PIWIL1: variants seen among roughly 807,000 people sequenced by gnomAD.
PIWIL1 encodes piwi-like protein 1.
Under a neutral mutation model 114.4 loss-of-function variants are expected in PIWIL1, and 73 were observed. The observed-to-expected ratio is 0.64, with a 90% CI of 0.53 to 0.78. The LOEUF (loss-of-function observed/expected upper bound fraction) is 0.78. PIWIL1 is among the 30% of genes least tolerant of loss of function. The pLI, the probability that PIWIL1 is intolerant of heterozygous loss-of-function variation, is 0.00. For missense variants in PIWIL1, 723 were observed against 1,063.1 expected (o/e 0.68, Z 4.45); for synonymous variants, 375 against 369.0 (o/e 1.02, Z -0.19).
At chr12:130,366,295 G>A (rs961294968) in intron 18 of PIWIL1, 1 of 152,638 alleles carries the variant, frequency 6.6e-6, no homozygotes, top group Non-Finnish European at 1.5e-5. Flanking sequence ...AGTGAGCCTG[G>A]AGGAGGGGGT....
At chr12:130,420,901 G>T in the PIWIL1 span, 1 of 152,294 alleles carries the variant, frequency 6.6e-6, no homozygotes, top group East Asian at 1.9e-4. This position sits in a 1 kb window ranked among gnomAD's most constrained non-coding sequence, Gnocchi z 4.3. Flanking sequence ...CTCTTCCAAA[G>T]GACGTCCTTT....
At chr12:130,395,710 CCT>C in the PIWIL1 span, among the ~76,000 whole-genome samples, 3 of 152,074 alleles carry the variant, frequency 2.0e-5, no homozygotes, top group Non-Finnish European at 4.4e-5. Context: ...GTTGGTTTTA[CCT>C]CTTTCTTTGA....
chr12:130,339,150 C>G (rs2072822281), intron 1 of PIWIL1, among the ~76,000 whole-genome samples: 1 of 152,102 alleles, frequency 6.6e-6, no homozygotes, highest in African/African-American at 2.4e-5. Context: ...GGACGGAACT[C>G]CGGAGGACCC....
rs563141029 is a variant in PIWIL1 at position 130,364,413 on chromosome 12, G to T, written c.2195+1269G>T. On this transcript the variant is annotated intron_variant, in intron 18 of 20. Coordinates refer to ENST00000245255, the MANE Select transcript of PIWIL1 (RefSeq NM_004764.5). Reference sequence around the variant, plus strand: ...CTTATTTCTACTAACGGGCTTCTGAGTCATCTTTGGCCAATGCTAAAAGGC... The same window carrying T: ...CTTATTTCTACTAACGGGCTTCTGATTCATCTTTGGCCAATGCTAAAAGGC... 2.6e-5 allele frequency among the ~76,000 whole-genome samples: 4 copies of T among 152,290 alleles called. No homozygotes were observed. In the South Asian group the frequency reaches 8.3e-4, roughly 32 times the overall value.
At chr12:130,411,783 A>T in the PIWIL1 span, among the ~76,000 whole-genome samples, 2 of 152,206 alleles carry the variant, frequency 1.3e-5, no homozygotes, top group East Asian at 3.8e-4. Context: ...CGACTATTAG[A>T]TGTGGATTCT....
the PIWIL1 span, among the ~76,000 whole-genome samples, chr12:130,418,281 A>C: frequency 6.6e-6 from 1 of 152,244 alleles, no homozygotes; most frequent in Non-Finnish European, 1.5e-5. Context: ...AGCAGCCTTC[A>C]TTAATTTCTC....
rs755905308 is a variant in PIWIL1 at position 130,363,097 on chromosome 12, A to G, written c.2148A>G (p.Glu716=). 1 of 1,614,254 alleles carries G rather than the reference A, an allele frequency of 6.2e-7. No individual in the cohort carries two copies. Among genetic ancestry groups the G allele is most frequent in the Non-Finnish European group, 8.5e-7 (1 of 1,180,036 alleles). The change falls in exon 18 of 21, where the codon GAA becomes GAG. Residue 716 remains glutamate, a synonymous_variant. Coordinates refer to ENST00000245255, the MANE Select transcript of PIWIL1 (RefSeq NM_004764.5). The stretch of plus-strand genomic sequence containing the variant: ...AGCTGAAAACACTGGTGAACTACGA[A>G]GTGCCACAGTTTTTGGATTGTCTAA... ...DGQLKTLVNY[E]VPQFLDCLKS...
At chr12:130,414,574 C>CT in the PIWIL1 span, 1 of 306,278 alleles carries the variant, frequency 3.3e-6, no homozygotes, top group Admixed American at 4.7e-5. Flanking sequence ...CCTCAGAGAG[C>CT]ACAGGCTGGG....
Position 130,342,590 on chromosome 12 carries a change from C to T in PIWIL1, c.-2C>T. The T allele has an allele frequency of 2.5e-6, 4 of 1,610,592 alleles. No individual in the cohort carries two copies. The highest frequency in any genetic ancestry group is 3.4e-6 in the Non-Finnish European group (4 of 1,176,902). ...TTGTTTCCTCTCCAGAAATAGAAAACAATGACTGGGAGAGCCCGAGCCAGA... is the reference window on the plus strand; with the variant it reads ...TTGTTTCCTCTCCAGAAATAGAAAATAATGACTGGGAGAGCCCGAGCCAGA... On this transcript the variant is annotated 5_prime_UTR_variant, in exon 2 of 21. Coordinates refer to ENST00000245255, the MANE Select transcript of PIWIL1 (RefSeq NM_004764.5).
the PIWIL1 span, among the ~76,000 whole-genome samples, chr12:130,409,577 T>A: frequency 6.6e-6 from 1 of 152,078 alleles, no homozygotes; most frequent in Non-Finnish European, 1.5e-5. Context: ...TCTCCTGACC[T>A]CATGATCCGC....
chr12:130,356,740 C>A (rs545936220), intron 12 of PIWIL1, among the ~76,000 whole-genome samples, 178 bp from the exon 13 acceptor site: 1 of 152,122 alleles, frequency 6.6e-6, no homozygotes, highest in Non-Finnish European at 1.5e-5. Context: ...TGCCATCATC[C>A]TTTGGATATA....
At chr12:130,406,598 G>A in the PIWIL1 span, among the ~76,000 whole-genome samples, 41 of 152,318 alleles carry the variant, frequency 2.7e-4, no homozygotes, top group Middle Eastern at 3.4e-3. Flanking sequence ...GGACCATTAC[G>A]TAAATATCCT....
downstream of PIWIL1, among the ~76,000 whole-genome samples, chr12:130,373,440 G>A (rs2073843621): frequency 1.3e-5 from 2 of 152,138 alleles, no homozygotes; most frequent in African/African-American, 4.8e-5. Context: ...AAAAGTTGCA[G>A]GTGTCCAGAG....
At chr12:130,344,819 T>A (rs1469770960) in intron 3 of PIWIL1, among the ~76,000 whole-genome samples, 1 of 152,208 alleles carries the variant, frequency 6.6e-6, no homozygotes, top group African/African-American at 2.4e-5. Context: ...TTATGGAATT[T>A]TTCCAAAAGT....
chr12:130,376,141 C>T (rs1322479287), downstream of PIWIL1, among the ~76,000 whole-genome samples: 1 of 152,200 alleles, frequency 6.6e-6, no homozygotes, highest in East Asian at 1.9e-4. Flanking sequence ...ACATCATCAG[C>T]TGTCTCCTAG....
rs2073324067 is a variant in PIWIL1 at position 130,354,950 on chromosome 12, C to T, written c.1234C>T (p.Leu412=). 6.2e-7 allele frequency: 1 copy of T among 1,613,970 alleles called. No homozygotes were observed. Among genetic ancestry groups the T allele is most frequent in the Non-Finnish European group, 8.5e-7 (1 of 1,179,834 alleles). ...VMKDLAVHTR[L]TPEQRQREVG... ...GAAAGACTTAGCCGTTCATACAAGA[C>T]TAACTCCAGAGCAAAGGCAGCGTGA... Residue 412 remains leucine, a synonymous_variant, in exon 11 of 21, where the codon CTA becomes TTA. Transcript: ENST00000245255.
At chr12:130,354,793 C>T (rs2073319211) in intron 10 of PIWIL1, 95 bp from the exon 11 acceptor site, 7 of 1,400,186 alleles carry the variant, frequency 5.0e-6, no homozygotes, top group Non-Finnish European at 6.9e-6. Flanking sequence ...TGCTTTGTCT[C>T]CTGGGAATTC....
chr12:130,407,914 G>T, the PIWIL1 span: 2 of 1,201,916 alleles, frequency 1.7e-6, no homozygotes, highest in Non-Finnish European at 1.2e-6. Context: ...GTCACACATG[G>T]CCAATACAGC....
At chr12:130,425,898 T>C in the PIWIL1 span, 2 of 152,472 alleles carry the variant, frequency 1.3e-5, no homozygotes, top group African/African-American at 4.8e-5. Context: ...GGGATTTGCC[T>C]AACACAGGGT....
Sources: allele counts gnomAD v4.1 joint callset (sites outside exome capture counted in the v4.1 genomes callset), GRCh38; gene constraint gnomAD v4.1.1; non-coding constraint Gnocchi (gnomAD v3.1); transcripts MANE v1.5; gene names NCBI Gene and HGNC (gene_info 2026-07-23, HGNC 2026-07-21).